Variants in FUT8 observed in about 807,000 individuals in gnomAD.
The protein encoded by FUT8 is alpha-(1,6)-fucosyltransferase.
FUT8 carries 29 observed loss-of-function variants against 71.3 expected under a neutral mutation model. The observed-to-expected ratio is 0.41, with a 90% confidence interval of 0.30 to 0.55. The LOEUF (loss-of-function observed/expected upper bound fraction) is 0.55, where lower values mean the gene tolerates loss of function less well. Among genes scored for constraint, FUT8 ranks in the 20% least tolerant of loss-of-function variants. FUT8 has a pLI of 0.34. For synonymous variants in FUT8, 254 were observed against 239.3 expected (o/e 1.06, Z -0.57); for missense variants, 544 against 702.1 (o/e 0.77, Z 2.55).
At chr14:65,536,085 T>G (rs1398925090) in intron 2 of FUT8, among the ~76,000 whole-genome samples, 2 of 151,986 alleles carry the variant, frequency 1.3e-5, no homozygotes, top group Non-Finnish European at 2.9e-5. Context: ...TGTTTTTTTC[T>G]GCTTTCCATT....
At chr14:65,609,371 A>T (rs1888758396) in intron 3 of FUT8, among the ~76,000 whole-genome samples, 1 of 151,556 alleles carries the variant, frequency 6.6e-6, no homozygotes, top group South Asian at 2.1e-4. Flanking sequence ...CTAAAAGAAG[A>T]GCTTTTAATT....
At chr14:65,408,581 C>T (rs1172095632), upstream of FUT8, among the ~76,000 whole-genome samples, 3 of 152,128 alleles carry the variant, frequency 2.0e-5, no homozygotes, top group African/African-American at 7.2e-5. Context: ...CAAAAATAAA[C>T]AGCCCTATTA....
intron 2 of FUT8, among the ~76,000 whole-genome samples, chr14:65,554,533 A>G (rs958505177): frequency 4.0e-5 from 6 of 151,742 alleles, no homozygotes; most frequent in African/African-American, 1.5e-4. Context: ...GGTGAATAGT[A>G]TTTATGCCCA....
intron 2 of FUT8, among the ~76,000 whole-genome samples, chr14:65,559,677 T>G (rs777410963): frequency 6.6e-6 from 1 of 152,164 alleles, no homozygotes; most frequent in African/African-American, 2.4e-5. Flanking sequence ...CCGAATTGAA[T>G]CAATTTCTTA....
chr14:65,551,624 A>G (rs536126446), intron 2 of FUT8, among the ~76,000 whole-genome samples: 8 of 152,320 alleles, frequency 5.3e-5, no homozygotes, highest in Admixed American at 5.2e-4. Flanking sequence ...GGTTTATGGC[A>G]TAGATTGTGG....
At chr14:65,442,753 T>G in intron 1 of FUT8, among the ~76,000 whole-genome samples, 1 of 150,746 alleles carries the variant, frequency 6.6e-6, no homozygotes, top group South Asian at 2.1e-4. Context: ...AGAGGATTGC[T>G]TGAGCCCAGG....
intron 2 of FUT8, among the ~76,000 whole-genome samples, chr14:65,545,854 T>A (rs573291941): frequency 6.6e-6 from 1 of 151,852 alleles, no homozygotes; most frequent in Non-Finnish European, 1.5e-5. Context: ...GTGAAAAATA[T>A]AGTTTTCACT....
intron 1 of FUT8, among the ~76,000 whole-genome samples, chr14:65,453,135 A>G (rs1170118915): frequency 1.5e-5 from 2 of 137,424 alleles, no homozygotes; most frequent in Non-Finnish European, 3.3e-5. Context: ...TTATATTCCT[A>G]TATTCTTTTT....
At chr14:65,710,569 A>G (rs1386647788) in intron 7 of FUT8, among the ~76,000 whole-genome samples, 1 of 152,080 alleles carries the variant, frequency 6.6e-6, no homozygotes. Context: ...TCTTTTTGAT[A>G]GCATATTTGT....
chr14:65,691,539 G>C (rs1031263634), intron 7 of FUT8, among the ~76,000 whole-genome samples: 1 of 152,076 alleles, frequency 6.6e-6, no homozygotes, highest in Non-Finnish European at 1.5e-5. Flanking sequence ...TTGATTTTTC[G>C]ATGATGAACT....
Position 65,413,130 on chromosome 14 carries a change from C to T in FUT8, c.-410C>T, listed in dbSNP as rs969243050. ...CCACTCAGCCACCCTTCCCACTCCC[C>T]CATCGTGGGGCAGCTGCGGCTGAGG... On this transcript the variant is annotated 5_prime_UTR_variant, in exon 1 of 11. Coordinates refer to ENST00000673929, the MANE Select transcript of FUT8 (RefSeq NM_001371533.1). The surrounding 1 kb of genome is among the most constrained non-coding windows in gnomAD (Gnocchi z 4.1). 2.0e-5 allele frequency: 3 copies of T among 152,828 alleles called. No homozygotes were observed. Among genetic ancestry groups the T allele is most frequent in the Non-Finnish European group, 4.4e-5 (3 of 68,178 alleles). The allele number at this position is 152,828 out of a possible 1,614,324, so 9.5% of individuals were successfully genotyped here.
At chr14:65,430,997 T>A (rs2065464252) in intron 1 of FUT8, among the ~76,000 whole-genome samples, 1 of 147,224 alleles carries the variant, frequency 6.8e-6, no homozygotes, top group Non-Finnish European at 1.5e-5. Context: ...CTAATTTTTT[T>A]TTTTTTTTTT....
At chr14:65,409,833 T>C (rs530929608), upstream of FUT8, among the ~76,000 whole-genome samples, 1 of 152,372 alleles carries the variant, frequency 6.6e-6, no homozygotes, top group Admixed American at 6.5e-5. This position sits in a 1 kb window ranked among gnomAD's most constrained non-coding sequence, Gnocchi z 5.4. Context: ...ACGATTGTTC[T>C]GTCTAATCTT....
chr14:65,722,059 A>C (rs185552333), intron 8 of FUT8, 38 bp downstream of exon 8: 1 of 1,607,262 alleles, frequency 6.2e-7, no homozygotes, highest in African/African-American at 1.3e-5. Flanking sequence ...TGTGATATGT[A>C]GTAGTTAGGG....
chr14:65,425,821 C>T (rs2065376707), intron 1 of FUT8, among the ~76,000 whole-genome samples: 1 of 151,720 alleles, frequency 6.6e-6, no homozygotes, highest in African/African-American at 2.4e-5. Flanking sequence ...ATTAAGAATA[C>T]AAAAAATTAG....
the FUT8 span, among the ~76,000 whole-genome samples, chr14:65,368,511 T>G: frequency 0.017 from 2,238 of 131,376 alleles, 423 homozygotes; most frequent in South Asian, 0.033. Context: ...TGGCTATTTT[T>G]TTGTTGTTGT....
rs537436144 is a variant in FUT8, at chr14:65,688,265, C to T, written c.835+18785C>T. 4.6e-5 allele frequency among the ~76,000 whole-genome samples: 7 copies of T among 152,220 alleles called. No homozygotes were observed. In the South Asian group the frequency reaches 1.4e-3, roughly 32 times the overall value. On this transcript the variant is annotated intron_variant, in intron 7 of 10. Coordinates refer to ENST00000673929, the MANE Select transcript of FUT8 (RefSeq NM_001371533.1). ...TTTATCCCTCCCCACCTGCCTTGCCCCTTAACCCCTGGCAAACTAATCTTT... is the reference window on the plus strand; with the variant it reads ...TTTATCCCTCCCCACCTGCCTTGCCTCTTAACCCCTGGCAAACTAATCTTT...
rs1409150630 is a variant in FUT8, at chr14:65,579,240, C to T, written c.203+17474C>T. On this transcript the variant is annotated intron_variant, in intron 3 of 10. Transcript: ENST00000673929. The stretch of plus-strand genomic sequence containing the variant: ...ATTTTCAGTGTACTGCCAACACTGT[C>T]CTCTTTTATACTTTTAAGTTTCCCT... Among the ~76,000 whole-genome samples the T allele has an allele frequency of 3.3e-5, 5 of 152,264 alleles. No individual in the cohort carries two copies. The South Asian group carries it at 1.0e-3, about 32-fold the overall frequency.
rs772095200 is a variant in FUT8 at position 65,485,939 on chromosome 14, C to T, written c.-228+30221C>T. ...ATCGCTGTTCTTTGTTGCTTAATGT[C>T]CAGTTTCTTGAAAAATGTTGTTTTC... On this transcript the variant is annotated intron_variant, in intron 2 of 10. Transcript: ENST00000673929. 1.1e-3 allele frequency among the ~76,000 whole-genome samples: 171 copies of T among 152,230 alleles called. 1 individual carries two copies. Among genetic ancestry groups the T allele is most frequent in the Middle Eastern group, 6.8e-3 (2 of 294 alleles).
Sources: gnomAD v4.1 joint callset for allele counts (sites outside exome capture counted in the v4.1 genomes callset) on GRCh38, gnomAD v4.1.1 for gene constraint, Gnocchi (gnomAD v3.1) non-coding constraint, MANE v1.5 for transcripts, NCBI Gene and HGNC (gene_info 2026-07-23, HGNC 2026-07-21) for gene names.